Variants in RBM11 observed in about 807,000 individuals in gnomAD.
RBM11 encodes splicing regulator RBM11.
A neutral mutation model predicts 21.4 loss-of-function variants in RBM11; 18 were observed. That is an observed-to-expected ratio of 0.84 (90% CI 0.58 to 1.25). RBM11 has a LOEUF of 1.25. Among genes scored for constraint, RBM11 ranks in the 50% most tolerant of loss-of-function variants. The probability of loss-of-function intolerance (pLI) is 0.00; values close to 1 mark genes in which losing one functional copy is unlikely to be tolerated. For missense variants in RBM11, 294 were observed against 331.9 expected, an observed-to-expected ratio of 0.89 and a Z score of 0.89; for synonymous variants, 120 against 116.3, an observed-to-expected ratio of 1.03 and a Z score of -0.20.
chr21:14,225,670 A>C (rs554370064), intron 4 of RBM11, among the ~76,000 whole-genome samples: 27 of 149,394 alleles, frequency 1.8e-4, no homozygotes, highest in Admixed American at 7.4e-4. Context: ...TAAAAAAAAA[A>C]CCCTTTTCTT....
chr21:14,219,036 T>C (rs1381989169), intron 1 of RBM11, among the ~76,000 whole-genome samples: 1 of 152,206 alleles, frequency 6.6e-6, no homozygotes, highest in Non-Finnish European at 1.5e-5. Context: ...TTAAACATTT[T>C]TCCTTTGGAA....
chr21:14,218,055 T>A (rs1466185404), intron 1 of RBM11, among the ~76,000 whole-genome samples: 5 of 152,228 alleles, frequency 3.3e-5, no homozygotes, highest in African/African-American at 1.2e-4. Flanking sequence ...GTGGAGTTTC[T>A]CTTCCACTTT....
In RBM11 at chr21:14,224,757, G is replaced by A. The variant is rs116736501; in HGVS notation, c.432+220G>A. Among the ~76,000 whole-genome samples the A allele has an allele frequency of 3.8e-3, 579 of 152,306 alleles. 3 individuals are homozygous for A. The highest frequency in any genetic ancestry group is 0.013 in the African/African-American group (542 of 41,568). On this transcript the variant is annotated intron_variant, in intron 4 of 4. Coordinates refer to ENST00000400577, the MANE Select transcript of RBM11 (RefSeq NM_144770.5). ...GGGTGTCAACAGAAAAGGGATGGAC[G>A]GCAGTGACGACATACTGCAGTCCAA...
intron 1 of RBM11, 47 bp downstream of exon 1, chr21:14,216,329 C>A (rs1377746945): frequency 2.6e-6 from 4 of 1,550,836 alleles, no homozygotes; most frequent in Non-Finnish European, 3.5e-6. Flanking sequence ...CACGTCGGGC[C>A]GGAAACATAG....
At chr21:14,225,007 C>G (rs1334595248) in intron 4 of RBM11, among the ~76,000 whole-genome samples, 1 of 151,978 alleles carries the variant, frequency 6.6e-6, no homozygotes, top group African/African-American at 2.4e-5. Context: ...GTAACCCCAG[C>G]TACTCGGGAG....
intron 3 of RBM11, among the ~76,000 whole-genome samples, chr21:14,223,789 T>G (rs1198549344): frequency 6.6e-6 from 1 of 152,170 alleles, no homozygotes; most frequent in Admixed American, 6.5e-5. Flanking sequence ...TAATGGATTA[T>G]TGGATTAATT....
chr21:14,219,016 T>G (rs76658503), intron 1 of RBM11, among the ~76,000 whole-genome samples: 2,839 of 152,266 alleles, frequency 0.019, 83 homozygotes, highest in African/African-American at 0.062. Context: ...CTTAAAAGTC[T>G]TGAACATATT....
chr21:14,225,469 G>C (rs1979013644), intron 4 of RBM11, among the ~76,000 whole-genome samples: 2 of 152,022 alleles, frequency 1.3e-5, no homozygotes, highest in Admixed American at 1.3e-4. Context: ...TTGAAGTCCA[G>C]GGTTGTTAAT....
Position 14,219,612 on chromosome 21 carries a change from C to T in RBM11, c.146C>T (p.Pro49Leu), listed in dbSNP as rs1229241578. Reference protein sequence around the residue: ...VTICKDREGKPKSFGFVCFKH... With the variant: ...VTICKDREGKLKSFGFVCFKH... ...ATATGCAAAGACAGAGAAGGAAAGC[C>T]AAAGTCTTTTGGATTTGTCTGCTTT... The change falls in exon 2 of 5, where the codon CCA becomes CTA. Residue 49 changes from proline to leucine, a missense_variant. Physicochemically the swap from Pro to Leu is moderately conservative, Grantham distance 98 (BLOSUM62 -3). Around this residue, in one of 2 missense-constraint regions of RBM11, gnomAD observed 181 missense variants for 164.6 expected, o/e 1.10. Transcript: ENST00000400577. The T allele has an allele frequency of 1.3e-6, 2 of 1,595,026 alleles. No individual in the cohort carries two copies. Among genetic ancestry groups the T allele is most frequent in the Non-Finnish European group, 1.7e-6 (2 of 1,167,350 alleles).
intron 1 of RBM11, among the ~76,000 whole-genome samples, chr21:14,217,023 A>G (rs1158505375): frequency 6.6e-6 from 1 of 152,234 alleles, no homozygotes; most frequent in Non-Finnish European, 1.5e-5. Context: ...CAAATTGACG[A>G]GACATCCTTT....
intron 3 of RBM11, among the ~76,000 whole-genome samples, chr21:14,223,047 G>T (rs945724100): frequency 2.0e-5 from 3 of 152,112 alleles, no homozygotes; most frequent in Non-Finnish European, 4.4e-5. Flanking sequence ...GATTTAGACG[G>T]AAGAGAAAAG....
In RBM11 at chr21:14,227,476, T is replaced by C. The variant is rs1264383513; in HGVS notation, c.*183T>C. 1 of 617,242 alleles carries C rather than the reference T, an allele frequency of 1.6e-6. No individual in the cohort carries two copies. The highest frequency in any genetic ancestry group is 2.7e-6 in the Non-Finnish European group (1 of 375,038). The allele number at this position is 617,242 out of a possible 1,614,324, so 38.2% of individuals were successfully genotyped here. A position where few individuals can be genotyped will look rare whatever the true frequency, so the allele number is the denominator to read the frequency against. The stretch of plus-strand genomic sequence containing the variant: ...AACGACAAAAGCTTTCTAAAAATAG[T>C]ATAATGTACCACTTTTTGTATTTGT... On this transcript the variant is annotated 3_prime_UTR_variant, in exon 5 of 5. Coordinates refer to ENST00000400577, the MANE Select transcript of RBM11 (RefSeq NM_144770.5).
intron 1 of RBM11, among the ~76,000 whole-genome samples, chr21:14,216,991 A>T (rs2020461041): frequency 1.3e-5 from 2 of 152,180 alleles, no homozygotes; most frequent in African/African-American, 4.8e-5. Flanking sequence ...TTACGGGGCA[A>T]ATACTGAGGG....
intron 1 of RBM11, among the ~76,000 whole-genome samples, chr21:14,216,897 T>C (rs556574191): frequency 1.3e-5 from 2 of 152,244 alleles, no homozygotes; most frequent in East Asian, 3.9e-4. Flanking sequence ...CGCTCACTTA[T>C]CGTATTGTCC....
At chr21:14,224,270 A>C (rs1978910979) in intron 3 of RBM11, 168 bp from the exon 4 acceptor site, 1 of 1,028,260 alleles carries the variant, frequency 9.7e-7, no homozygotes, top group Admixed American at 3.1e-5. Flanking sequence ...TTAACAGCTG[A>C]ATTTTGGGGA....
intron 4 of RBM11, 113 bp from the exon 5 acceptor site, chr21:14,226,767 A>T: frequency 2.1e-6 from 3 of 1,415,004 alleles, no homozygotes; most frequent in Non-Finnish European, 2.8e-6. Context: ...TCTTTCTTAT[A>T]CCAAAACACA....
intron 1 of RBM11, among the ~76,000 whole-genome samples, chr21:14,219,229 G>T (rs1215073503): frequency 6.6e-6 from 1 of 152,154 alleles, no homozygotes; most frequent in Non-Finnish European, 1.5e-5. Context: ...CTGTGAATGT[G>T]TATGGAGACA....
At chr21:14,218,708 A>G (rs1978407891) in intron 1 of RBM11, among the ~76,000 whole-genome samples, 1 of 152,198 alleles carries the variant, frequency 6.6e-6, no homozygotes, top group Non-Finnish European at 1.5e-5. Flanking sequence ...AAAAATAATC[A>G]GTTATTAAAG....
chr21:14,221,921 A>G (rs1978700257), intron 3 of RBM11, among the ~76,000 whole-genome samples: 1 of 152,186 alleles, frequency 6.6e-6, no homozygotes, highest in African/African-American at 2.4e-5. Context: ...TCTCTGCTGT[A>G]TCAGCCTCCC....
Sources: allele counts gnomAD v4.1 joint callset (sites outside exome capture counted in the v4.1 genomes callset), GRCh38; gene constraint gnomAD v4.1.1; regional missense constraint gnomAD v4.1.1; transcripts MANE v1.5; gene names NCBI Gene and HGNC (gene_info 2026-07-23, HGNC 2026-07-21).